Variants in SAE1 observed in about 807,000 individuals in gnomAD.
SAE1 encodes SUMO1 activating enzyme subunit 1.
Under a neutral mutation model 40.6 loss-of-function variants are expected in SAE1, and 11 were observed. That is an observed-to-expected ratio of 0.27 (90% CI 0.17 to 0.45). The LOEUF (loss-of-function observed/expected upper bound fraction) is 0.45, where lower values mean the gene tolerates loss of function less well. Among genes scored for constraint, SAE1 ranks in the 20% least tolerant of loss-of-function variants. The pLI is 1.00. For missense variants in SAE1, 373 were observed against 427.3 expected, an observed-to-expected ratio of 0.87 and a Z score of 1.12; for synonymous variants, 155 against 154.3, an observed-to-expected ratio of 1.00 and a Z score of -0.03.
intron 8 of SAE1, among the ~76,000 whole-genome samples, chr19:47,206,785 T>C (rs545987449): frequency 6.6e-6 from 1 of 152,180 alleles, no homozygotes; most frequent in Non-Finnish European, 1.5e-5. Context: ...CCTATTATTA[T>C]TAATAGCAGC....
chr19:47,155,217 T>C lies in SAE1; in HGVS notation c.627+4T>C, dbSNP rs764034013. 6.2e-7 allele frequency: 1 copy of C among 1,601,672 alleles called. No homozygotes were observed. Among genetic ancestry groups the C allele is most frequent in the Middle Eastern group, 1.7e-4 (1 of 6,038 alleles). On this transcript the variant is annotated splice_donor_region_variant and intron_variant, in intron 5 of 8. Coordinates refer to ENST00000270225, the MANE Select transcript of SAE1 (RefSeq NM_005500.3). ...TGAGACAACGATGGTCAAAAAGGTATGTGTAACGTGGGGGCAGAGGTCAGA... is the reference window on the plus strand; with the variant it reads ...TGAGACAACGATGGTCAAAAAGGTACGTGTAACGTGGGGGCAGAGGTCAGA...
In SAE1 at chr19:47,209,697, C is replaced by G. The variant is rs1204983898; in HGVS notation, c.*446C>G. The G allele has an allele frequency of 6.0e-6, 1 of 167,782 alleles. No homozygotes were observed. Among genetic ancestry groups the G allele is most frequent in the South Asian group, 1.8e-4 (1 of 5,536 alleles). The allele number at this position is 167,782 out of a possible 1,614,324, so 10.4% of individuals were successfully genotyped here. On this transcript the variant is annotated 3_prime_UTR_variant, in exon 9 of 9. Coordinates refer to ENST00000270225, the MANE Select transcript of SAE1 (RefSeq NM_005500.3). Reference sequence around the variant, plus strand: ...TACCTTATAGAGAAAAGTGTGAATTCAGGTGGAGAGTAGGCCCAGGCCCCA... The same window carrying G: ...TACCTTATAGAGAAAAGTGTGAATTGAGGTGGAGAGTAGGCCCAGGCCCCA...
At chr19:47,182,946 C>G (rs1355878952) in intron 6 of SAE1, among the ~76,000 whole-genome samples, 1 of 152,052 alleles carries the variant, frequency 6.6e-6, no homozygotes, top group South Asian at 2.1e-4. Context: ...GAAACAGTCT[C>G]GTTCTGTCAG....
intron 1 of SAE1, among the ~76,000 whole-genome samples, chr19:47,138,432 A>C (rs1356170779): frequency 6.6e-6 from 1 of 152,254 alleles, no homozygotes; most frequent in African/African-American, 2.4e-5. Flanking sequence ...GAATTAAATG[A>C]CATAATACAT....
chr19:47,191,336 AAC>A (rs1451820882), intron 6 of SAE1, among the ~76,000 whole-genome samples: 1 of 152,168 alleles, frequency 6.6e-6, no homozygotes, highest in Non-Finnish European at 1.5e-5. Context: ...AAAGAAGAAA[AAC>A]AAAAACAAGT....
intron 6 of SAE1, among the ~76,000 whole-genome samples, chr19:47,182,066 G>T (rs763256528): frequency 2.0e-5 from 3 of 151,984 alleles, no homozygotes; most frequent in Non-Finnish European, 4.4e-5. Flanking sequence ...GATAACAGAC[G>T]TGAGCCACTG....
At chr19:47,178,220 C>T (rs568286555) in intron 6 of SAE1, among the ~76,000 whole-genome samples, 5 of 151,514 alleles carry the variant, frequency 3.3e-5, no homozygotes, top group Non-Finnish European at 4.4e-5. Context: ...TCCAGCCTGA[C>T]GACAGGGCAA....
intron 6 of SAE1, among the ~76,000 whole-genome samples, chr19:47,181,832 CAG>C (rs2058509182): frequency 8.1e-6 from 1 of 123,960 alleles, no homozygotes; most frequent in South Asian, 2.8e-4. Flanking sequence ...TTTTTTAAGA[CAG>C]AGTCTTGCTC....
chr19:47,167,179 C>T (rs1455353108), intron 5 of SAE1, among the ~76,000 whole-genome samples: 2 of 151,926 alleles, frequency 1.3e-5, no homozygotes, highest in Non-Finnish European at 2.9e-5. Flanking sequence ...GTCTCCAATT[C>T]CTGACCTCTA....
At chr19:47,202,448 A>G (rs571250874) in intron 7 of SAE1, among the ~76,000 whole-genome samples, 109 of 151,368 alleles carry the variant, frequency 7.2e-4, no homozygotes, top group African/African-American at 2.5e-3. Flanking sequence ...CCACCACACC[A>G]AGCTAATTTT....
At chr19:47,169,326 A>G (rs2058416007) in intron 5 of SAE1, among the ~76,000 whole-genome samples, 1 of 151,752 alleles carries the variant, frequency 6.6e-6, no homozygotes, top group Admixed American at 6.6e-5. Flanking sequence ...GCTCGCTGCA[A>G]ACTCCACCTC....
chr19:47,136,004 T>C (rs1200964350), intron 1 of SAE1, among the ~76,000 whole-genome samples: 1 of 150,670 alleles, frequency 6.6e-6, no homozygotes. Flanking sequence ...GGGTTTCACC[T>C]TGTTGGCCAG....
chr19:47,176,228 T>C (rs1256298404), intron 6 of SAE1, among the ~76,000 whole-genome samples: 2 of 152,208 alleles, frequency 1.3e-5, no homozygotes, highest in African/African-American at 4.8e-5. Flanking sequence ...GATGTTATAT[T>C]CCTTTGGATG....
rs1280824496 is a variant in SAE1, at chr19:47,209,471, G to C, written c.*220G>C. 1.4e-6 allele frequency: 1 copy of C among 712,858 alleles called. No individual in the cohort carries two copies. The highest frequency in any genetic ancestry group is 2.3e-6 in the Non-Finnish European group (1 of 439,584). 44.2% of individuals were successfully genotyped at this position (712,858 alleles called of 1,614,324 possible). A position where few individuals can be genotyped will look rare whatever the true frequency, so the allele number is the denominator to read the frequency against. On this transcript the variant is annotated 3_prime_UTR_variant, in exon 9 of 9. Transcript: ENST00000270225. ...GGGTGGCTGTCTTTGTTCCAGCACT[G>C]TTCAGGCTGCCTGTCATCCCGGGCC... is the stretch of plus-strand genomic sequence containing the variant.
chr19:47,152,058 G>T (rs1388934618), intron 3 of SAE1, among the ~76,000 whole-genome samples: 2 of 152,230 alleles, frequency 1.3e-5, no homozygotes, highest in East Asian at 1.9e-4. Context: ...TTCTCTGTGA[G>T]TGTTATTTCG....
At chr19:47,199,894 A>C (rs2058641607) in intron 7 of SAE1, among the ~76,000 whole-genome samples, 2 of 152,036 alleles carry the variant, frequency 1.3e-5, no homozygotes, top group South Asian at 4.2e-4. Context: ...CTGATGTTAC[A>C]AAGGCACCTT....
chr19:47,201,067 A>C (rs1322509676), intron 7 of SAE1, among the ~76,000 whole-genome samples: 1 of 148,654 alleles, frequency 6.7e-6, no homozygotes, highest in African/African-American at 2.5e-5. Flanking sequence ...TTTGAGATGG[A>C]GTCTTACTCT....
In SAE1 at chr19:47,154,230, G is replaced by T. The variant is rs866511071; in HGVS notation, c.528-884G>T. 2.6e-5 allele frequency among the ~76,000 whole-genome samples: 4 copies of T among 151,770 alleles called. No homozygotes were observed. The South Asian group carries it at 6.2e-4, about 24-fold the overall frequency. ...TTCAGCTTCCTGAGTAGCTGGGACT[G>T]CAGGCACCCGCCACCATGCCCGGCA... On this transcript the variant is annotated intron_variant, in intron 4 of 8. Coordinates refer to ENST00000270225, the MANE Select transcript of SAE1 (RefSeq NM_005500.3).
chr19:47,196,044 C>CT (rs778913288), intron 6 of SAE1, among the ~76,000 whole-genome samples: 1,354 of 129,930 alleles, frequency 0.01, 14 homozygotes, highest in African/African-American at 0.025. Context: ...TCTTCCGGGT[C>CT]TTTTTTTTTT....
Sources: gnomAD v4.1 joint callset for allele counts (sites outside exome capture counted in the v4.1 genomes callset) on GRCh38, gnomAD v4.1.1 for gene constraint, MANE v1.5 for transcripts, NCBI Gene and HGNC (gene_info 2026-07-23, HGNC 2026-07-21) for gene names.